PCDHA5: variants seen among roughly 807,000 people sequenced by gnomAD.
PCDHA5 encodes protocadherin alpha-5.
In PCDHA5, 43 loss-of-function variants were observed where a neutral mutation model predicts 61.6. The observed-to-expected ratio is 0.70, with a 90% confidence interval of 0.55 to 0.90. The LOEUF is 0.90. PCDHA5 is among the 40% of genes least tolerant of loss of function. The pLI is 0.00. For synonymous variants in PCDHA5, 627 were observed against 543.9 expected (o/e 1.15, Z -2.13); for missense variants, 1,298 against 1,222.7 (o/e 1.06, Z -0.92).
Position 140,851,361 on chromosome 5 carries a change from A to G in PCDHA5, c.2352+27234A>G, listed in dbSNP as rs1342409970. The G allele has an allele frequency of 6.1e-6, 6 of 978,064 alleles. No individual in the cohort carries two copies. In the African/African-American group the frequency reaches 8.8e-5, roughly 14 times the overall value. The allele number at this position is 978,064 out of a possible 1,614,324, so 60.6% of individuals were successfully genotyped here. On this transcript the variant is annotated intron_variant, in intron 1 of 3. Coordinates refer to ENST00000529859, the MANE Select transcript of PCDHA5 (RefSeq NM_018908.3). Reference sequence around the variant, plus strand: ...ACATTTCTCTGGATGGAGACTGTGAACATCTGATTGTTCAGCAACCTTCAG... The same window carrying G: ...ACATTTCTCTGGATGGAGACTGTGAGCATCTGATTGTTCAGCAACCTTCAG...
At chr5:140,940,470 A>AT (rs201096499) in intron 1 of PCDHA5, among the ~76,000 whole-genome samples, 9 of 149,600 alleles carry the variant, frequency 6.0e-5, no homozygotes, top group East Asian at 5.9e-4. Context: ...GTTCCCTGCA[A>AT]TTTTTTTTTT....
chr5:140,878,139 T>G, intron 1 of PCDHA5: 1 of 191,254 alleles, frequency 5.2e-6, no homozygotes, highest in South Asian at 1.6e-4. Flanking sequence ...AGTGGCCAGA[T>G]GTTTGATAAC....
At chr5:140,839,740 A>G (rs1357885958) in intron 1 of PCDHA5, among the ~76,000 whole-genome samples, 2 of 152,020 alleles carry the variant, frequency 1.3e-5, no homozygotes, top group South Asian at 4.1e-4. Flanking sequence ...AAATACCCTT[A>G]TTTGCCTTTC....
At chr5:140,829,990 C>T (rs1554132444) in intron 1 of PCDHA5, 7 of 1,613,856 alleles carry the variant, frequency 4.3e-6, no homozygotes, top group Non-Finnish European at 5.9e-6. Flanking sequence ...AGATCAGCAC[C>T]ACTCGTGTCC....
At chr5:140,919,452 A>G (rs1430872710) in intron 1 of PCDHA5, among the ~76,000 whole-genome samples, 4 of 152,182 alleles carry the variant, frequency 2.6e-5, no homozygotes, top group Non-Finnish European at 4.4e-5. Context: ...ATGTATTCAC[A>G]TGATGTTACT....
At chr5:140,882,698 G>T in intron 1 of PCDHA5, 1 of 1,614,200 alleles carries the variant, frequency 6.2e-7, no homozygotes, top group Non-Finnish European at 8.5e-7. Context: ...AATCATTGCA[G>T]AATCTAGACC....
In PCDHA5 at chr5:140,858,544, T is replaced by C. The variant is rs782004922; in HGVS notation, c.2352+34417T>C. ...ATATTTCATTTTTGTCTACATTCCA[T>C]TTATGCTTGAATATTTCTAGTGATA... On this transcript the variant is annotated intron_variant, in intron 1 of 3. Transcript: ENST00000529859. 5 of 1,398,226 alleles carry C rather than the reference T, an allele frequency of 3.6e-6. No homozygotes were observed. The South Asian group carries it at 5.0e-5, about 14-fold the overall frequency. 86.6% of individuals were successfully genotyped at this position (1,398,226 alleles called of 1,614,324 possible). A position where few individuals can be genotyped will look rare whatever the true frequency, so the allele number is the denominator to read the frequency against.
intron 1 of PCDHA5, chr5:140,967,690 C>G (rs782694266): frequency 6.2e-7 from 1 of 1,614,190 alleles, no homozygotes; most frequent in Non-Finnish European, 8.5e-7. Flanking sequence ...GGCAGCTCTT[C>G]AGCATAGATG....
chr5:140,886,944 C>A (rs577897989), intron 1 of PCDHA5, among the ~76,000 whole-genome samples: 2 of 152,010 alleles, frequency 1.3e-5, no homozygotes, highest in African/African-American at 4.8e-5. Context: ...ATGTTCTACA[C>A]ATTAGACATT....
chr5:141,006,646 A>G (rs1478861419), intron 3 of PCDHA5, among the ~76,000 whole-genome samples: 1 of 152,206 alleles, frequency 6.6e-6, no homozygotes, highest in African/African-American at 2.4e-5. Flanking sequence ...ATAAGAGATG[A>G]TGGTGTCCTG....
rs1554143112 is a variant in PCDHA5 at position 140,849,624 on chromosome 5, C to G, written c.2352+25497C>G. ...TATTGCCCTGATTAGTGTGATCGAC[C>G]TAGACGCAGATGCCAACGGGCAGGT... is the stretch of plus-strand genomic sequence containing the variant. On this transcript the variant is annotated intron_variant, in intron 1 of 3. Transcript: ENST00000529859. 3.1e-6 allele frequency: 5 copies of G among 1,598,656 alleles called. No individual in the cohort carries two copies. The African/African-American group carries it at 6.7e-5, about 21-fold the overall frequency.
chr5:140,925,951 A>G (rs1057448284), intron 1 of PCDHA5, among the ~76,000 whole-genome samples: 2 of 152,102 alleles, frequency 1.3e-5, no homozygotes, highest in Admixed American at 1.3e-4. Flanking sequence ...GAGAAGGAGA[A>G]ACTGCTATCA....
intron 3 of PCDHA5, among the ~76,000 whole-genome samples, chr5:140,998,139 G>C (rs1354714500): frequency 2.0e-5 from 3 of 152,176 alleles, no homozygotes; most frequent in Non-Finnish European, 4.4e-5. Flanking sequence ...TAGCTAACCT[G>C]TACTGAACAG....
chr5:140,948,558 G>A (rs2094272533), intron 1 of PCDHA5, among the ~76,000 whole-genome samples: 2 of 151,514 alleles, frequency 1.3e-5, no homozygotes, highest in Admixed American at 1.3e-4. Flanking sequence ...ATTTTGTTAA[G>A]TTGTATTTTT....
At chr5:140,983,226 T>C (rs892083218) in intron 3 of PCDHA5, among the ~76,000 whole-genome samples, 1 of 152,216 alleles carries the variant, frequency 6.6e-6, no homozygotes, top group Non-Finnish European at 1.5e-5. Context: ...ATCCAAACTT[T>C]CAGGAAAGAG....
chr5:140,992,857 CTCT>C (rs2097531206), intron 3 of PCDHA5, among the ~76,000 whole-genome samples: 2 of 152,148 alleles, frequency 1.3e-5, no homozygotes, highest in Non-Finnish European at 2.9e-5. Context: ...ACCAGTTTCA[CTCT>C]AGCTCCCTCC....
intron 1 of PCDHA5, chr5:140,969,185 A>G (rs782632936): frequency 1.9e-6 from 3 of 1,613,974 alleles, no homozygotes; most frequent in South Asian, 1.1e-5. Context: ...TGACACTTTC[A>G]TGTTTTACAA....
chr5:140,923,142 T>C (rs553287064), intron 1 of PCDHA5, among the ~76,000 whole-genome samples: 9 of 152,006 alleles, frequency 5.9e-5, no homozygotes, highest in Non-Finnish European at 1.2e-4. Context: ...AGGTGGAATA[T>C]AAAAAAAATT....
chr5:140,918,868 T>C (rs1584116749), intron 1 of PCDHA5, among the ~76,000 whole-genome samples: 1 of 152,216 alleles, frequency 6.6e-6, no homozygotes, highest in Admixed American at 6.5e-5. Context: ...TCATGAACTT[T>C]CAAGCCTCTA....
Sources: allele counts gnomAD v4.1 joint callset (sites outside exome capture counted in the v4.1 genomes callset), GRCh38; gene constraint gnomAD v4.1.1; transcripts MANE v1.5; gene names NCBI Gene and HGNC (gene_info 2026-07-23, HGNC 2026-07-21).